The following SYT16 variants were observed in gnomAD, a reference collection of about 807,000 sequenced individuals.
The protein encoded by SYT16 is synaptotagmin 16, also known as synaptotagmin-16.
SYT16 carries 42 observed loss-of-function variants against 61.4 expected under a neutral mutation model. That is an observed-to-expected ratio of 0.68 (90% CI 0.53 to 0.89). The LOEUF (loss-of-function observed/expected upper bound fraction) is 0.89, where lower values mean the gene tolerates loss of function less well. Among genes scored for constraint, SYT16 ranks in the 40% least tolerant of loss-of-function variants. SYT16 has a pLI of 0.00. For missense variants in SYT16, 804 were observed against 807.3 expected (o/e 1.00, Z 0.05); for synonymous variants, 314 against 302.3 (o/e 1.04, Z -0.40).
At chr14:61,867,028 A>G (rs2047178252) in intron 1 of SYT16, among the ~76,000 whole-genome samples, 1 of 151,674 alleles carries the variant, frequency 6.6e-6, no homozygotes, top group South Asian at 2.1e-4. Context: ...CGGTTGCATT[A>G]TCTAGGCATT....
At chr14:61,932,246 G>A (rs1231379330) in intron 1 of SYT16, among the ~76,000 whole-genome samples, 5 of 152,176 alleles carry the variant, frequency 3.3e-5, no homozygotes, top group Admixed American at 3.3e-4. Context: ...TACACCAAAT[G>A]CTGGAAACCA....
Position 62,100,733 on chromosome 14 carries a change from G to A in SYT16, c.*26G>A. On this transcript the variant is annotated 3_prime_UTR_variant, in exon 8 of 8. Transcript: ENST00000683842. ...GTTTGCTAACCTGCATTTGTGTGCT[G>A]TGTCCACCTTGGTTACCTGTGTTGC... 1 of 1,598,096 alleles carries A rather than the reference G, an allele frequency of 6.3e-7. No homozygotes were observed. Among genetic ancestry groups the A allele is most frequent in the Non-Finnish European group, 8.5e-7 (1 of 1,172,206 alleles).
At chr14:62,049,117 C>CT (rs1177428107) in intron 3 of SYT16, among the ~76,000 whole-genome samples, 6 of 152,144 alleles carry the variant, frequency 3.9e-5, no homozygotes, top group Non-Finnish European at 8.8e-5. Flanking sequence ...GTCTAAGTCT[C>CT]TTTTTATGTC....
At chr14:61,920,418 C>T (rs992790231) in intron 1 of SYT16, among the ~76,000 whole-genome samples, 11 of 152,136 alleles carry the variant, frequency 7.2e-5, no homozygotes, top group Non-Finnish European at 1.3e-4. Flanking sequence ...AATGCTCTCC[C>T]TCCCCTTGTC....
At chr14:62,063,266 G>A (rs1010951145) in intron 3 of SYT16, among the ~76,000 whole-genome samples, 5 of 152,162 alleles carry the variant, frequency 3.3e-5, no homozygotes, top group African/African-American at 1.2e-4. Context: ...GAGGGCACAT[G>A]CTTTCCTGTG....
At chr14:62,000,099 A>ATT in intron 3 of SYT16, among the ~76,000 whole-genome samples, 331 of 18,822 alleles carry the variant, frequency 0.018, 15 homozygotes, top group Non-Finnish European at 0.023. Context: ...TTGTCTCTCG[A>ATT]TTTTTTTTTT....
chr14:61,851,146 T>C (rs2046604424), intron 1 of SYT16, among the ~76,000 whole-genome samples: 1 of 152,146 alleles, frequency 6.6e-6, no homozygotes, highest in Non-Finnish European at 1.5e-5. Context: ...CACTTACAAG[T>C]GAGAACATGT....
chr14:62,037,743 A>G (rs1030937383), intron 3 of SYT16, among the ~76,000 whole-genome samples: 1 of 152,220 alleles, frequency 6.6e-6, no homozygotes, highest in Admixed American at 6.5e-5. Flanking sequence ...CTTGAAACAT[A>G]TCTAGTCCCA....
intron 1 of SYT16, among the ~76,000 whole-genome samples, chr14:61,905,656 A>G (rs1351346951): frequency 6.6e-6 from 1 of 152,188 alleles, no homozygotes; most frequent in Non-Finnish European, 1.5e-5. Flanking sequence ...TTTGGAAGTC[A>G]AGGGTTGAAG....
At chr14:61,940,262 T>A (rs1465560938) in intron 1 of SYT16, among the ~76,000 whole-genome samples, 1 of 152,102 alleles carries the variant, frequency 6.6e-6, no homozygotes, top group African/African-American at 2.4e-5. Context: ...TCTGTTTCCA[T>A]CTACTGGCTT....
At chr14:61,865,296 C>T in intron 1 of SYT16, 1 of 755,984 alleles carries the variant, frequency 1.3e-6, no homozygotes, top group Non-Finnish European at 2.3e-6. Context: ...CTACACATCC[C>T]TCTGAACGCA....
chr14:61,850,883 ATTAT>A (rs1469280213), intron 1 of SYT16, among the ~76,000 whole-genome samples: 1 of 152,212 alleles, frequency 6.6e-6, no homozygotes, highest in Non-Finnish European at 1.5e-5. Flanking sequence ...CTGAAAGATT[ATTAT>A]TATTTTTTCT....
At chr14:62,021,372 C>T (rs550863091) in intron 3 of SYT16, among the ~76,000 whole-genome samples, 2 of 152,206 alleles carry the variant, frequency 1.3e-5, no homozygotes, top group Admixed American at 1.3e-4. Flanking sequence ...TTAATCCTTC[C>T]TCTTTCTCAG....
intron 3 of SYT16, among the ~76,000 whole-genome samples, chr14:62,029,175 C>A (rs1042651321): frequency 2.6e-5 from 4 of 152,170 alleles, no homozygotes; most frequent in African/African-American, 9.7e-5. Flanking sequence ...GTTGTCCAGG[C>A]TGGAGTGCAG....
At chr14:62,099,541 A>G (rs993396546) in intron 7 of SYT16, among the ~76,000 whole-genome samples, 1 of 152,156 alleles carries the variant, frequency 6.6e-6, no homozygotes, top group African/African-American at 2.4e-5. Context: ...TGAATGTAAG[A>G]TTAGTGTAAG....
chr14:62,047,766 C>A (rs1595259900), intron 3 of SYT16, among the ~76,000 whole-genome samples: 1 of 152,074 alleles, frequency 6.6e-6, no homozygotes, highest in African/African-American at 2.4e-5. Flanking sequence ...TGTTTATATG[C>A]TGGATTACGT....
intron 3 of SYT16, among the ~76,000 whole-genome samples, chr14:62,013,522 T>C (rs1375021053): frequency 1.3e-5 from 2 of 152,240 alleles, no homozygotes; most frequent in Non-Finnish European, 2.9e-5. Context: ...CTTCATTCAC[T>C]GTGATTTGGC....
chr14:62,060,653 C>A (rs1566809150), intron 3 of SYT16, among the ~76,000 whole-genome samples: 1 of 151,826 alleles, frequency 6.6e-6, no homozygotes, highest in African/African-American at 2.4e-5. Context: ...CCAACCTTGC[C>A]TCTCTAGGGT....
chr14:61,962,263 T>C (rs1451187137), intron 1 of SYT16, among the ~76,000 whole-genome samples: 1 of 152,052 alleles, frequency 6.6e-6, no homozygotes, highest in Non-Finnish European at 1.5e-5. Context: ...ATCCCTGAAC[T>C]TAAAAGTTAA....
Sources: gnomAD v4.1 joint callset for allele counts (sites outside exome capture counted in the v4.1 genomes callset) on GRCh38, gnomAD v4.1.1 for gene constraint, MANE v1.5 for transcripts, NCBI Gene and HGNC (gene_info 2026-07-23, HGNC 2026-07-21) for gene names.